The following FIS1 variants were observed in gnomAD, a reference collection of about 807,000 sequenced individuals.
FIS1 encodes mitochondrial fission 1 protein.
FIS1 carries 16 observed loss-of-function variants against 21.6 expected under a neutral mutation model. The observed-to-expected ratio is 0.74, with a 90% CI of 0.50 to 1.12. FIS1 has a LOEUF of 1.12. Ranked by LOEUF, FIS1 falls within the 50% of genes most tolerant of loss-of-function variation. The probability of loss-of-function intolerance (pLI) is 0.00; values close to 1 mark genes in which losing one functional copy is unlikely to be tolerated. For missense variants in FIS1, 198 were observed against 190.9 expected (o/e 1.04, Z -0.22); for synonymous variants, 92 against 82.2 (o/e 1.12, Z -0.65).
chr7:101,242,681 G>A (rs1185006486), intron 2 of FIS1, among the ~76,000 whole-genome samples: 1 of 151,880 alleles, frequency 6.6e-6, no homozygotes, highest in Admixed American at 6.6e-5. Context: ...TAGAGACAGG[G>A]TTTCACCATG....
At position 101,240,849 on chromosome 7, in the gene FIS1, A is replaced by G. The variant is rs577596491; in HGVS notation, c.236T>C (p.Val79Ala). The change falls in exon 3 of 5, where the codon GTG becomes GCG. Residue 79 changes from valine to alanine, a missense_variant. Val to Ala is a moderately conservative substitution (Grantham distance 64, BLOSUM62 0). Transcript: ENST00000223136. ...CCTCACCTTGAGCCGGTAGTTCCCC[A>G]CGGCCAGGTAGAAGACGTAATCCCG... ...EQRDYVFYLA[V>A]GNYRLKEYEK... The G allele has an allele frequency of 6.2e-6, 10 of 1,614,020 alleles. No individual in the cohort carries two copies. In the African/African-American group the frequency reaches 1.3e-4, roughly 22 times the overall value.
Position 101,239,821 on chromosome 7 carries a change from G to C in FIS1, c.444C>G (p.Ser148=). ...CGCGTCTCCTTCAGGATTTGGACTT[G>C]GACACAGCAAGTCCGATGAGTCCGG... The part of the protein sequence containing the change: ...GLAGLIGLAV[S]KSKS Residue 148 remains serine, a synonymous_variant, in exon 5 of 5, where the codon TCC becomes TCG. Transcript: ENST00000223136. 1 of 1,596,352 alleles carries C rather than the reference G, an allele frequency of 6.3e-7. No individual in the cohort carries two copies. Among genetic ancestry groups the C allele is most frequent in the Non-Finnish European group, 8.5e-7 (1 of 1,171,258 alleles).
In FIS1 at chr7:101,239,644, C is replaced by A. The variant is rs1455426356; in HGVS notation, c.*162G>T. ...GCCACAGCCCCGTTTTATTTACACT[C>A]ATCCCAAAGCACATGATGGGGCTGA... On this transcript the variant is annotated 3_prime_UTR_variant, in exon 5 of 5. Transcript: ENST00000223136. 4 of 702,128 alleles carry A rather than the reference C, an allele frequency of 5.7e-6. No individual in the cohort carries two copies. Among genetic ancestry groups the A allele is most frequent in the Non-Finnish European group, 1.0e-5 (4 of 388,276 alleles). 43.5% of individuals were successfully genotyped at this position (702,128 alleles called of 1,614,324 possible). A position where few individuals can be genotyped will look rare whatever the true frequency, so the allele number is the denominator to read the frequency against.
At chr7:101,244,803 C>G in intron 1 of FIS1, 157 bp downstream of exon 1, 1 of 844,310 alleles carries the variant, frequency 1.2e-6, no homozygotes, top group Non-Finnish European at 1.9e-6. Flanking sequence ...ATAGCAGGCC[C>G]TCCGGGCAGG....
chr7:101,242,634 G>A (rs1394403806), intron 2 of FIS1, among the ~76,000 whole-genome samples: 3 of 151,958 alleles, frequency 2.0e-5, no homozygotes, highest in Non-Finnish European at 4.4e-5. Flanking sequence ...GATTAAAGGT[G>A]TGCGCCACCA....
rs375661664 is a variant in FIS1 at position 101,244,971 on chromosome 7, C to A, written c.34G>T (p.Glu12Ter). ...GGGCCAGGCCTCACCAGCAGGTCCTCCACAGACACCAGCTCGTTCAGCACG... is the reference window on the plus strand; with the variant it reads ...GGGCCAGGCCTCACCAGCAGGTCCTACACAGACACCAGCTCGTTCAGCACG... The part of the protein sequence containing the change: ...EAVLNELVSV[E>*]DLLKFEKKFQ... Residue 12 changes from glutamate to a stop codon, truncating the protein, a stop_gained, in exon 1 of 5, where the codon GAG (glutamate) becomes TAG (stop). Transcript: ENST00000223136. LOFTEE classifies it high-confidence loss of function. The A allele has an allele frequency of 6.2e-7, 1 of 1,614,110 alleles. No homozygotes were observed. The highest frequency in any genetic ancestry group is 8.5e-7 in the Non-Finnish European group (1 of 1,179,972).
At chr7:101,244,314 G>A (rs1424393618) in intron 1 of FIS1, among the ~76,000 whole-genome samples, 175 bp from the exon 2 acceptor site, 1 of 152,100 alleles carries the variant, frequency 6.6e-6, no homozygotes, top group African/African-American at 2.4e-5. Flanking sequence ...CGGGCCTGCG[G>A]GCCAGCTCTT....
At chr7:101,240,380 C>T in intron 3 of FIS1, 133 bp from the exon 4 acceptor site, 3 of 799,894 alleles carry the variant, frequency 3.8e-6, no homozygotes, top group Non-Finnish European at 5.9e-6. Flanking sequence ...CCCACTGCAA[C>T]CTCAAACTCC....
Position 101,239,732 on chromosome 7 carries a change from G to C in FIS1, c.*74C>G. 7.9e-7 allele frequency: 1 copy of C among 1,263,110 alleles called. No homozygotes were observed. 78.2% of individuals were successfully genotyped at this position (1,263,110 alleles called of 1,614,324 possible). ...CACAGAGGATAGAGACGGGGGGCAGGGGGAGAACAGGGAAAGGACAGCGAG... is the reference window on the plus strand; with the variant it reads ...CACAGAGGATAGAGACGGGGGGCAGCGGGAGAACAGGGAAAGGACAGCGAG... On this transcript the variant is annotated 3_prime_UTR_variant, in exon 5 of 5. Transcript: ENST00000223136.
At chr7:101,240,349 A>T in intron 3 of FIS1, 102 bp from the exon 4 acceptor site, 1 of 1,187,362 alleles carries the variant, frequency 8.4e-7, no homozygotes, top group Non-Finnish European at 1.2e-6. Flanking sequence ...CCCACGCTGG[A>T]CGGCAGCGTC....
intron 2 of FIS1, 111 bp downstream of exon 2, chr7:101,243,896 G>T: frequency 7.2e-7 from 1 of 1,383,114 alleles, no homozygotes. Flanking sequence ...GCTAAGTATA[G>T]CCCTTGGTGC....
rs1256449751 is a variant in FIS1 at position 101,240,885 on chromosome 7, T to C, written c.200A>G (p.Lys67Arg). The change falls in exon 3 of 5, where the codon AAG (lysine) becomes AGG (arginine). Residue 67 changes from lysine to arginine, a missense_variant. Physicochemically the swap from Lys to Arg is conservative, Grantham distance 26. Coordinates refer to ENST00000223136, the MANE Select transcript of FIS1 (RefSeq NM_016068.3). ...LLEELLPKGSKEEQRDYVFYL... is the reference protein window; with the variant it reads ...LLEELLPKGSREEQRDYVFYL... ...GAAGACGTAATCCCGCTGTTCCTCC[T>C]TGCTCCCTTTGGGCAGCAGCTCTGG... is the stretch of plus-strand genomic sequence containing the variant. The C allele has an allele frequency of 9.9e-6, 16 of 1,614,030 alleles. No individual in the cohort carries two copies. The highest frequency in any genetic ancestry group is 1.3e-5 in the African/African-American group (1 of 74,932).
rs185938659 is a variant in FIS1, at chr7:101,243,898, C to T, written c.178+109G>A. 19 of 1,401,876 alleles carry T rather than the reference C, an allele frequency of 1.4e-5. No homozygotes were observed. In the Admixed American group the frequency reaches 2.7e-4, roughly 20 times the overall value. The allele number at this position is 1,401,876 out of a possible 1,614,324, so 86.8% of individuals were successfully genotyped here. On this transcript the variant is annotated intron_variant, in intron 2 of 4. Coordinates refer to ENST00000223136, the MANE Select transcript of FIS1 (RefSeq NM_016068.3). ...TGGGAGACGTCAAGCTAAGTATAGCCCTTGGTGCAGTAAATCTACCGGAGA... is the reference window on the plus strand; with the variant it reads ...TGGGAGACGTCAAGCTAAGTATAGCTCTTGGTGCAGTAAATCTACCGGAGA...
At chr7:101,243,178 T>G (rs1384250139) in intron 2 of FIS1, among the ~76,000 whole-genome samples, 4 of 152,152 alleles carry the variant, frequency 2.6e-5, no homozygotes, top group Non-Finnish European at 5.9e-5. Flanking sequence ...TATAAATGAT[T>G]ATTTGAACAC....
intron 1 of FIS1, chr7:101,244,437 A>C: frequency 2.5e-6 from 1 of 408,038 alleles, no homozygotes; most frequent in African/African-American, 2.0e-5. Context: ...CCGAACAGTA[A>C]ACACGCTGTC....
chr7:101,244,950 C>T lies in FIS1; in HGVS notation c.45+10G>A. ...ACCTTCCCTTTCCCTCTGTCCGGGC[C>T]AGGCCTCACCAGCAGGTCCTCCACA... On this transcript the variant is annotated intron_variant, in intron 1 of 4. Transcript: ENST00000223136. 13 of 1,614,072 alleles carry T rather than the reference C, an allele frequency of 8.1e-6. No individual in the cohort carries two copies. The highest frequency in any genetic ancestry group is 1.1e-5 in the Non-Finnish European group (13 of 1,179,966).
chr7:101,244,195 A>G, intron 1 of FIS1, 56 bp from the exon 2 acceptor site: 1 of 1,578,540 alleles, frequency 6.3e-7, no homozygotes, highest in Non-Finnish European at 8.6e-7. Context: ...ACCATTCTCT[A>G]TCTGGACATG....
At chr7:101,242,489 T>C (rs925351545) in intron 2 of FIS1, among the ~76,000 whole-genome samples, 1 of 90,666 alleles carries the variant, frequency 1.1e-5, no homozygotes, top group Admixed American at 9.8e-5. Flanking sequence ...TTTTTATAGT[T>C]TTTTTTTTTT....
In FIS1 at chr7:101,239,849, A is replaced by T; in HGVS notation, c.416T>A (p.Leu139Gln). ...CACAGCAAGTCCGATGAGTCCGGCC[A>T]GTCCCGCCACACCCAGGGCCATGCC... is the stretch of plus-strand genomic sequence containing the variant. ...VGGMALGVAG[L>Q]AGLIGLAVSK... is the part of the protein sequence containing the mutation. Residue 139 changes from leucine (L) to glutamine (Q), a missense_variant, in exon 5 of 5, where the codon CTG (leucine) becomes CAG (glutamine). Physicochemically the swap from Leu to Gln is moderately radical, Grantham distance 113 (BLOSUM62 -2). Transcript: ENST00000223136. 1 of 1,596,728 alleles carries T rather than the reference A, an allele frequency of 6.3e-7. No individual in the cohort carries two copies. Among genetic ancestry groups the T allele is most frequent in the South Asian group, 1.1e-5 (1 of 88,780 alleles).
Sources: allele counts gnomAD v4.1 joint callset (sites outside exome capture counted in the v4.1 genomes callset), GRCh38; gene constraint gnomAD v4.1.1; transcripts MANE v1.5; gene names NCBI Gene and HGNC (gene_info 2026-07-23, HGNC 2026-07-21).